MACROD2: variants seen among roughly 807,000 people sequenced by gnomAD.
MACROD2 encodes the protein mono-ADP ribosylhydrolase 2.
MACROD2 carries 36 observed loss-of-function variants against 70.4 expected under a neutral mutation model. The observed-to-expected ratio is 0.51, with a 90% confidence interval of 0.39 to 0.68. MACROD2 has a LOEUF of 0.68. MACROD2 is among the 30% of genes least tolerant of loss of function. The probability of loss-of-function intolerance (pLI) is 0.00; values close to 1 mark genes in which losing one functional copy is unlikely to be tolerated. For missense variants in MACROD2, 496 were observed against 538.4 expected (o/e 0.92, Z 0.78); for synonymous variants, 172 against 178.8 (o/e 0.96, Z 0.30).
At chr20:15,586,153 T>C (rs2048598265) in intron 8 of MACROD2, among the ~76,000 whole-genome samples, 1 of 152,342 alleles carries the variant, frequency 6.6e-6, no homozygotes, top group Non-Finnish European at 1.5e-5. Flanking sequence ...TTAATCCAGC[T>C]AAGCCCATGG....
chr20:15,354,257 AC>A (rs2078261052), intron 6 of MACROD2, among the ~76,000 whole-genome samples: 1 of 152,078 alleles, frequency 6.6e-6, no homozygotes, highest in Non-Finnish European at 1.5e-5. Flanking sequence ...AGGACAAAAA[AC>A]CAAACACCAC....
At chr20:14,425,962 T>A (rs1399797182) in intron 3 of MACROD2, among the ~76,000 whole-genome samples, 1 of 152,200 alleles carries the variant, frequency 6.6e-6, no homozygotes, top group Non-Finnish European at 1.5e-5. Flanking sequence ...ATTGAAAGTT[T>A]TTTTCCTCAG....
intron 3 of MACROD2, chr20:14,327,129 T>G: frequency 6.2e-7 from 1 of 1,613,830 alleles, no homozygotes; most frequent in African/African-American, 1.3e-5. Flanking sequence ...GATAGGGAAT[T>G]TTTGAAAGTG....
intron 3 of MACROD2, among the ~76,000 whole-genome samples, chr20:14,268,105 G>A (rs867245105): frequency 6.6e-6 from 1 of 152,026 alleles, no homozygotes; most frequent in Non-Finnish European, 1.5e-5. Context: ...ACTCAAGATT[G>A]CATAAGATTT....
intron 8 of MACROD2, among the ~76,000 whole-genome samples, chr20:15,577,413 G>A (rs765308781): frequency 6.6e-6 from 1 of 151,802 alleles, no homozygotes; most frequent in African/African-American, 2.4e-5. Flanking sequence ...CCTCTAAAAG[G>A]TAATATTTTA....
intron 5 of MACROD2, among the ~76,000 whole-genome samples, chr20:15,102,064 C>A (rs912379292): frequency 2.0e-5 from 3 of 151,694 alleles, no homozygotes; most frequent in African/African-American, 7.3e-5. Context: ...CACAGAAAGG[C>A]AGAAGATATT....
chr20:15,333,825 G>A (rs1044129860), intron 6 of MACROD2, among the ~76,000 whole-genome samples: 4 of 151,626 alleles, frequency 2.6e-5, no homozygotes, highest in African/African-American at 9.8e-5. Flanking sequence ...AGGGAGCAAC[G>A]AATCACAGTG....
At chr20:15,566,231 C>T (rs535633145) in intron 8 of MACROD2, among the ~76,000 whole-genome samples, 1 of 152,238 alleles carries the variant, frequency 6.6e-6, no homozygotes, top group Admixed American at 6.5e-5. Flanking sequence ...TGCCTGTAAT[C>T]CAAGCACTCT....
At chr20:14,337,613 A>G (rs1019648602) in intron 3 of MACROD2, 5 of 398,606 alleles carry the variant, frequency 1.3e-5, no homozygotes, top group Non-Finnish European at 2.2e-5. Context: ...TTTACTGCAC[A>G]CAGCCCACCT....
intron 4 of MACROD2, among the ~76,000 whole-genome samples, chr20:14,663,065 A>G (rs1986303281): frequency 6.6e-6 from 1 of 152,076 alleles, no homozygotes; most frequent in African/African-American, 2.4e-5. Flanking sequence ...CATAATAGCA[A>G]ACACATGGAA....
chr20:15,878,087 C>T (rs566393566), intron 9 of MACROD2, among the ~76,000 whole-genome samples: 1 of 152,166 alleles, frequency 6.6e-6, no homozygotes, highest in African/African-American at 2.4e-5. Flanking sequence ...ATGCTCATGT[C>T]TCCTAGCCAA....
intron 5 of MACROD2, among the ~76,000 whole-genome samples, chr20:15,006,152 T>TGTG (rs2075035344): frequency 6.7e-6 from 1 of 150,106 alleles, no homozygotes; most frequent in Admixed American, 6.6e-5. Context: ...TGTGTGTGTG[T>TGTG]GTGTGTGTGT....
chr20:14,152,256 T>C (rs1361225176), intron 3 of MACROD2, among the ~76,000 whole-genome samples: 1 of 152,226 alleles, frequency 6.6e-6, no homozygotes, highest in Non-Finnish European at 1.5e-5. Context: ...GTTTTCTTTT[T>C]TAAAAATCAA....
intron 2 of MACROD2, among the ~76,000 whole-genome samples, chr20:14,050,891 C>A (rs2053557737): frequency 6.6e-6 from 1 of 152,054 alleles, no homozygotes; most frequent in African/African-American, 2.4e-5. Flanking sequence ...AAAATATGAA[C>A]AAGTGTTTAA....
chr20:14,220,521 G>T (rs958496615), intron 3 of MACROD2, among the ~76,000 whole-genome samples: 1 of 152,106 alleles, frequency 6.6e-6, no homozygotes, highest in Admixed American at 6.5e-5. Context: ...CACTGAATTT[G>T]CACCCTCCTT....
intron 3 of MACROD2, among the ~76,000 whole-genome samples, chr20:14,228,586 C>T (rs1160879993): frequency 6.6e-6 from 1 of 152,104 alleles, no homozygotes; most frequent in Non-Finnish European, 1.5e-5. Flanking sequence ...GAATTGCTTA[C>T]ATAAGTTAGA....
At chr20:14,917,164 C>T (rs147944027) in intron 5 of MACROD2, among the ~76,000 whole-genome samples, 10 of 150,634 alleles carry the variant, frequency 6.6e-5, no homozygotes, top group African/African-American at 2.2e-4. Flanking sequence ...TTTGCATTTC[C>T]GTGGCAGCAT....
Position 16,035,151 on chromosome 20 carries a change from A to T in MACROD2, c.1154-6050A>T, listed in dbSNP as rs796662640. 1.4e-3 allele frequency among the ~76,000 whole-genome samples: 130 copies of T among 92,586 alleles called. 3 individuals carry two copies. Among genetic ancestry groups the T allele is most frequent in the African/African-American group, 5.9e-3 (111 of 18,866 alleles). The allele number at this position is 92,586 out of a possible 152,430, so 60.7% of individuals were successfully genotyped here. On this transcript the variant is annotated intron_variant, in intron 15 of 17. Transcript: ENST00000684519. ...ATATTATATATTATATATTATATAT[A>T]AAATATAATATAAAATATAAAATAT...
chr20:14,938,940 A>ATTTTTTTTTTTTTTTTTTTTTT (rs1230863391), intron 5 of MACROD2, among the ~76,000 whole-genome samples: 10 of 86,460 alleles, frequency 1.2e-4, no homozygotes, highest in Admixed American at 3.5e-4. Flanking sequence ...GTTAAATCAG[A>ATTTTTTTTTTTTTTTTTTTTTT]TTTTTTTTTT....
Sources: gnomAD v4.1 joint callset for allele counts (sites outside exome capture counted in the v4.1 genomes callset) on GRCh38, gnomAD v4.1.1 for gene constraint, MANE v1.5 for transcripts, NCBI Gene and HGNC (gene_info 2026-07-23, HGNC 2026-07-21) for gene names.